CTNNAL1: variants seen among roughly 807,000 people sequenced by gnomAD.
The protein encoded by CTNNAL1 is alpha-catulin.
CTNNAL1 carries 69 observed loss-of-function variants against 93.6 expected under a neutral mutation model. The observed-to-expected ratio is 0.74, with a 90% CI of 0.61 to 0.90. The LOEUF is 0.90. Ranked by LOEUF, CTNNAL1 falls within the 40% of genes least tolerant of loss-of-function variation. The probability of loss-of-function intolerance (pLI) is 0.00; values close to 1 mark genes in which losing one functional copy is unlikely to be tolerated. For synonymous variants in CTNNAL1, 286 were observed against 305.4 expected (o/e 0.94, Z 0.66); for missense variants, 836 against 862.0 (o/e 0.97, Z 0.38).
intron 6 of CTNNAL1, among the ~76,000 whole-genome samples, chr9:108,981,756 C>T (rs891072200): frequency 1.9e-4 from 29 of 152,204 alleles, no homozygotes; most frequent in Non-Finnish European, 3.1e-4. Flanking sequence ...AAAACCCCAT[C>T]TCTATTAAAA....
chr9:108,961,665 C>T (rs1228594923), intron 11 of CTNNAL1, among the ~76,000 whole-genome samples: 1 of 152,140 alleles, frequency 6.6e-6, no homozygotes, highest in Non-Finnish European at 1.5e-5. Context: ...AACCACAGTG[C>T]TCACATAGTC....
At chr9:108,953,285 C>T (rs1168955358) in intron 12 of CTNNAL1, among the ~76,000 whole-genome samples, 1 of 152,138 alleles carries the variant, frequency 6.6e-6, no homozygotes, top group Non-Finnish European at 1.5e-5. Context: ...AGCAACATTT[C>T]TTTGAAAAAT....
At chr9:109,009,673 C>T (rs920853064) in intron 1 of CTNNAL1, among the ~76,000 whole-genome samples, 1 of 152,080 alleles carries the variant, frequency 6.6e-6, no homozygotes, top group African/African-American at 2.4e-5. Context: ...TAATCTTGGC[C>T]CTTTGTGCTT....
intron 15 of CTNNAL1, among the ~76,000 whole-genome samples, chr9:108,945,210 A>G: frequency 6.6e-6 from 1 of 152,208 alleles, no homozygotes; most frequent in South Asian, 2.1e-4. Flanking sequence ...ATTGGTTCCC[A>G]GACCTCCCCA....
intron 9 of CTNNAL1, among the ~76,000 whole-genome samples, chr9:108,972,063 T>C (rs776221827): frequency 6.6e-5 from 10 of 152,182 alleles, no homozygotes; most frequent in Admixed American, 1.3e-4. Flanking sequence ...TGAGCAGGAC[T>C]GAGGAGAGAA....
chr9:108,965,554 G>T, intron 10 of CTNNAL1, 26 bp from the exon 11 acceptor site: 3 of 1,406,756 alleles, frequency 2.1e-6, no homozygotes, highest in Non-Finnish European at 2.8e-6. Context: ...ATACACCTGT[G>T]TGAATTTCAA....
rs1288772898 is a variant in CTNNAL1 at position 109,013,409 on chromosome 9, C to T, written c.34G>A (p.Gly12Ser). The T allele has an allele frequency of 1.3e-6, 2 of 1,488,764 alleles. No individual in the cohort carries two copies. Among genetic ancestry groups the T allele is most frequent in the Non-Finnish European group, 1.8e-6 (2 of 1,118,078 alleles). 92.2% of individuals were successfully genotyped at this position (1,488,764 alleles called of 1,614,324 possible). Residue 12 changes from glycine to serine, a missense_variant, in exon 1 of 19, where the codon GGC becomes AGC. Gly to Ser is a moderately conservative substitution (Grantham distance 56). Transcript: ENST00000325551. The stretch of plus-strand genomic sequence containing the variant: ...CCGGAGCCGTAGACTGCTCCGGCGC[C>T]GCCAACGCCGGCGGGTCCGGGAGAG... ...AASPGPAGVG[G>S]AGAVYGSGSS...
Position 108,955,825 on chromosome 9 carries a change from C to T in CTNNAL1, c.1594G>A (p.Glu532Lys). 1 of 1,598,298 alleles carries T rather than the reference C, an allele frequency of 6.3e-7. No homozygotes were observed. The highest frequency in any genetic ancestry group is 8.5e-7 in the Non-Finnish European group (1 of 1,172,142). The change falls in exon 12 of 19, where the codon GAG (glutamate) becomes AAG (lysine). Residue 532 changes from glutamate (E) to lysine (K), a missense_variant and splice_region_variant. Transcript: ENST00000325551. ...GGAAGTGAAAGGTAGCCATACTTCT[C>T]TCCTACAAATAACACATATAACTTA... ...INDVFEGRRG[E>K]KYGYLSLPKP...
chr9:108,954,975 T>A (rs985006042), intron 12 of CTNNAL1, among the ~76,000 whole-genome samples: 55 of 152,190 alleles, frequency 3.6e-4, no homozygotes, highest in African/African-American at 1.2e-3. Context: ...TTTATTTTTT[T>A]TTTTTTTGAG....
At chr9:108,956,644 G>T (rs1336439672) in intron 11 of CTNNAL1, among the ~76,000 whole-genome samples, 5 of 152,092 alleles carry the variant, frequency 3.3e-5, no homozygotes, top group African/African-American at 1.2e-4. Context: ...ATTTCATATG[G>T]TCCAAACTAA....
intron 12 of CTNNAL1, among the ~76,000 whole-genome samples, chr9:108,953,329 A>G (rs1158922804): frequency 6.6e-6 from 1 of 152,220 alleles, no homozygotes; most frequent in African/African-American, 2.4e-5. Context: ...GATAGCCCAC[A>G]GAGGGGATTC....
chr9:108,972,865 A>AACT, intron 8 of CTNNAL1, 32 bp from the exon 9 acceptor site: 2 of 219,278 alleles, frequency 9.1e-6, no homozygotes, highest in Non-Finnish European at 1.2e-5. Flanking sequence ...GGGGGGTGGG[A>AACT]GGGTGGAGAA....
Position 108,948,923 on chromosome 9 carries a change from A to T in CTNNAL1, c.1836-689T>A, listed in dbSNP as rs28361173. ...GCCACTTAGGAGATGTGAACATATC[A>T]TTCCTGTTCTCCAGTAAACCGTCAT... On this transcript the variant is annotated intron_variant, in intron 14 of 18. Coordinates refer to ENST00000325551, the MANE Select transcript of CTNNAL1 (RefSeq NM_003798.4). Among the ~76,000 whole-genome samples the T allele has an allele frequency of 6.8e-4, 104 of 152,350 alleles. 3 individuals carry two copies. The South Asian group carries it at 0.021, about 31-fold the overall frequency.
At chr9:108,956,889 C>G (rs961215519) in intron 11 of CTNNAL1, among the ~76,000 whole-genome samples, 1 of 151,756 alleles carries the variant, frequency 6.6e-6, no homozygotes, top group Non-Finnish European at 1.5e-5. Context: ...ATGTGCTAGT[C>G]TGTACTGAGA....
intron 1 of CTNNAL1, among the ~76,000 whole-genome samples, chr9:109,011,601 T>C (rs1440309385): frequency 1.3e-5 from 2 of 152,188 alleles, no homozygotes; most frequent in African/African-American, 4.8e-5. Flanking sequence ...TGTACCATCT[T>C]TTTCTCTAGA....
intron 2 of CTNNAL1, 25 bp from the exon 3 acceptor site, chr9:108,992,844 A>G (rs1831865490): frequency 6.3e-7 from 1 of 1,590,996 alleles, no homozygotes; most frequent in Admixed American, 1.8e-5. Flanking sequence ...GAGGGGAGAA[A>G]GTTAAACAGG....
At chr9:108,956,830 G>A (rs1830699314) in intron 11 of CTNNAL1, among the ~76,000 whole-genome samples, 1 of 152,020 alleles carries the variant, frequency 6.6e-6, no homozygotes, top group Non-Finnish European at 1.5e-5. Context: ...CTTAGCACTT[G>A]AAATGTGGCT....
intron 14 of CTNNAL1, chr9:108,950,547 G>C: frequency 6.4e-7 from 1 of 1,550,398 alleles, no homozygotes; most frequent in Non-Finnish European, 8.7e-7. Flanking sequence ...GTCATCAAGA[G>C]GAAAATGATG....
At chr9:108,983,084 T>TTAAAA (rs151119679) in intron 6 of CTNNAL1, 61 bp downstream of exon 6, 99 of 1,254,864 alleles carry the variant, frequency 7.9e-5, no homozygotes, top group Admixed American at 2.0e-4. Flanking sequence ...TCTCAAAAAA[T>TTAAAA]TAAAATAAAA....
Sources: gnomAD v4.1 joint callset for allele counts (sites outside exome capture counted in the v4.1 genomes callset) on GRCh38, gnomAD v4.1.1 for gene constraint, MANE v1.5 for transcripts, NCBI Gene and HGNC (gene_info 2026-07-23, HGNC 2026-07-21) for gene names.